NRXN3: variants seen among roughly 807,000 people sequenced by gnomAD.
NRXN3 encodes neurexin 3.
NRXN3 carries 32 observed loss-of-function variants against 137.6 expected under a neutral mutation model. The observed-to-expected ratio is 0.23, with a 90% CI of 0.18 to 0.31. The LOEUF (loss-of-function observed/expected upper bound fraction) is 0.31. Among genes scored for constraint, NRXN3 ranks in the 10% least tolerant of loss-of-function variants. The pLI is 1.00. For synonymous variants in NRXN3, 798 were observed against 784.5 expected (o/e 1.02, Z -0.29); for missense variants, 1,574 against 2,062.5 (o/e 0.76, Z 4.59).
intron 15 of NRXN3, among the ~76,000 whole-genome samples, chr14:79,433,782 G>C (rs144009815): frequency 5.3e-5 from 8 of 152,310 alleles, no homozygotes; most frequent in African/African-American, 1.9e-4. Flanking sequence ...ATCTGGTCTA[G>C]ATGGGTCTAG....
At chr14:79,557,239 T>A (rs761409428) in intron 16 of NRXN3, among the ~76,000 whole-genome samples, 1 of 151,748 alleles carries the variant, frequency 6.6e-6, no homozygotes, top group Non-Finnish European at 1.5e-5. Context: ...TGTCTGTCCC[T>A]GTATTAATAC....
intron 4 of NRXN3, among the ~76,000 whole-genome samples, chr14:78,606,171 C>T (rs1438314985): frequency 6.6e-6 from 1 of 152,190 alleles, no homozygotes; most frequent in African/African-American, 2.4e-5. Context: ...ATGGCAATAA[C>T]CACATTTTTC....
chr14:79,848,538 A>G (rs1207642407), intron 20 of NRXN3, among the ~76,000 whole-genome samples: 4 of 152,136 alleles, frequency 2.6e-5, no homozygotes, highest in Admixed American at 1.3e-4. Context: ...GGCCCAGGGA[A>G]GCCAAAAGAT....
At chr14:79,851,877 A>G (rs2099392207) in intron 20 of NRXN3, among the ~76,000 whole-genome samples, 1 of 152,124 alleles carries the variant, frequency 6.6e-6, no homozygotes, top group African/African-American at 2.4e-5. Context: ...AGTTTTCCTC[A>G]AAGCACTTCC....
At chr14:79,758,272 A>G (rs897555392) in intron 19 of NRXN3, among the ~76,000 whole-genome samples, 1 of 152,126 alleles carries the variant, frequency 6.6e-6, no homozygotes, top group Non-Finnish European at 1.5e-5. Flanking sequence ...AAAGAGGTTT[A>G]TTAGGGCTCA....
chr14:79,030,510 G>C (rs2099606056), intron 15 of NRXN3, among the ~76,000 whole-genome samples: 1 of 151,932 alleles, frequency 6.6e-6, no homozygotes, highest in African/African-American at 2.4e-5. Context: ...AATGCCTGTA[G>C]CTTCTACAAT....
chr14:79,205,646 T>C (rs1307455416), intron 15 of NRXN3, among the ~76,000 whole-genome samples: 1 of 152,216 alleles, frequency 6.6e-6, no homozygotes, highest in Non-Finnish European at 1.5e-5. Flanking sequence ...TAGAGCATAA[T>C]GGTATGGAAA....
intron 16 of NRXN3, among the ~76,000 whole-genome samples, chr14:79,557,696 C>A (rs1337904732): frequency 6.6e-6 from 1 of 152,036 alleles, no homozygotes; most frequent in African/African-American, 2.4e-5. Context: ...GAGTCATAAC[C>A]TTTTGGCTGA....
At chr14:79,400,134 T>C (rs1432655789) in intron 15 of NRXN3, among the ~76,000 whole-genome samples, 1 of 152,236 alleles carries the variant, frequency 6.6e-6, no homozygotes, top group Non-Finnish European at 1.5e-5. Flanking sequence ...CGATTCTATT[T>C]GCAAGTAATA....
chr14:79,614,962 G>C (rs221511), intron 16 of NRXN3, among the ~76,000 whole-genome samples: 50,500 of 152,104 alleles, frequency 0.33, 11,196 homozygotes, highest in African/African-American at 0.64. Context: ...GTGAAGTGGA[G>C]GTATTAAAAC....
chr14:78,241,605 G>C (rs922718760), intron 1 of NRXN3, among the ~76,000 whole-genome samples: 2 of 150,906 alleles, frequency 1.3e-5, no homozygotes, highest in Non-Finnish European at 2.9e-5. Flanking sequence ...GGGCAAAAGA[G>C]CAAGACTCTG....
Position 78,658,098 on chromosome 14 carries a change from G to C in NRXN3, c.1221+6772G>C, listed in dbSNP as rs76804906. On this transcript the variant is annotated intron_variant, in intron 6 of 20. Coordinates refer to ENST00000335750, the MANE Select transcript of NRXN3 (RefSeq NM_001330195.2). ...TCTGTCCATAAGCAGGTGAATTTAG[G>C]TCATAGCTTTGGGCCTAAATATTCC... 8.2e-3 allele frequency among the ~76,000 whole-genome samples: 1,252 copies of C among 152,240 alleles called. 92 individuals carry two copies. In the East Asian group the frequency reaches 0.18, roughly 22 times the overall value.
intron 16 of NRXN3, among the ~76,000 whole-genome samples, chr14:79,480,279 T>G (rs1238318342): frequency 6.6e-6 from 1 of 152,168 alleles, no homozygotes; most frequent in African/African-American, 2.4e-5. Flanking sequence ...GGTTAACAGG[T>G]TTTCATGTTT....
At chr14:79,750,189 A>C (rs940425631) in intron 19 of NRXN3, among the ~76,000 whole-genome samples, 3 of 152,158 alleles carry the variant, frequency 2.0e-5, no homozygotes, top group Non-Finnish European at 4.4e-5. Flanking sequence ...GGTTGGTTGG[A>C]GAGTAAGAAT....
At chr14:79,825,566 G>A (rs1029715199) in intron 20 of NRXN3, among the ~76,000 whole-genome samples, 2 of 152,186 alleles carry the variant, frequency 1.3e-5, no homozygotes, top group Non-Finnish European at 2.9e-5. Context: ...ACACGGAAGT[G>A]AGAAATTTAA....
At chr14:78,947,334 G>A (rs148298621) in intron 10 of NRXN3, among the ~76,000 whole-genome samples, 1 of 152,316 alleles carries the variant, frequency 6.6e-6, no homozygotes, top group Non-Finnish European at 1.5e-5. Context: ...GGAAGGAGAT[G>A]CTGCAAACAC....
chr14:79,041,871 C>G (rs2099625578), intron 15 of NRXN3, among the ~76,000 whole-genome samples: 1 of 151,998 alleles, frequency 6.6e-6, no homozygotes, highest in African/African-American at 2.4e-5. Context: ...GGTTTGTCAT[C>G]ATGAATTGTG....
intron 19 of NRXN3, among the ~76,000 whole-genome samples, chr14:79,733,515 G>T (rs2098931372): frequency 6.6e-6 from 1 of 152,098 alleles, no homozygotes; most frequent in African/African-American, 2.4e-5. Flanking sequence ...GTCCATTTCT[G>T]TGCAGGATTG....
chr14:78,931,327 C>T (rs1459766950), intron 10 of NRXN3, among the ~76,000 whole-genome samples: 4 of 151,948 alleles, frequency 2.6e-5, no homozygotes, highest in African/African-American at 9.7e-5. Context: ...ATTTGAGTGC[C>T]TAAAATATTA....
Sources: allele counts gnomAD v4.1 joint callset (sites outside exome capture counted in the v4.1 genomes callset), GRCh38; gene constraint gnomAD v4.1.1; transcripts MANE v1.5; gene names NCBI Gene and HGNC (gene_info 2026-07-23, HGNC 2026-07-21).